UBE2J1: variants seen among roughly 807,000 people sequenced by gnomAD.
The protein encoded by UBE2J1 is ubiquitin-conjugating enzyme E2 J1.
A neutral mutation model predicts 42.1 loss-of-function variants in UBE2J1; 17 were observed. That is an observed-to-expected ratio of 0.40 (90% confidence interval 0.28 to 0.61). The LOEUF (loss-of-function observed/expected upper bound fraction) is 0.61. UBE2J1 is among the 20% of genes least tolerant of loss of function. UBE2J1 has a pLI of 0.38. For synonymous variants in UBE2J1, 127 were observed against 137.2 expected, an observed-to-expected ratio of 0.93 and a Z score of 0.52; for missense variants, 291 against 389.4, an observed-to-expected ratio of 0.75 and a Z score of 2.13.
At chr6:89,337,231 T>C (rs1768126215) in intron 5 of UBE2J1, among the ~76,000 whole-genome samples, 2 of 151,374 alleles carry the variant, frequency 1.3e-5, no homozygotes, top group South Asian at 4.2e-4. Context: ...CAGTTCTTTT[T>C]TTTTTTTTTT....
At chr6:89,349,546 A>C (rs1317770219) in intron 1 of UBE2J1, among the ~76,000 whole-genome samples, 1 of 152,210 alleles carries the variant, frequency 6.6e-6, no homozygotes, top group East Asian at 1.9e-4. Flanking sequence ...AGTGCTGTCT[A>C]TCCCTGAGAT....
At chr6:89,349,558 T>G (rs1443942325) in intron 1 of UBE2J1, among the ~76,000 whole-genome samples, 1 of 152,156 alleles carries the variant, frequency 6.6e-6, no homozygotes, top group African/African-American at 2.4e-5. Flanking sequence ...CCCTGAGATA[T>G]GAAATACTAG....
At chr6:89,332,349 T>A (rs1190404118) in intron 7 of UBE2J1, among the ~76,000 whole-genome samples, 1 of 152,212 alleles carries the variant, frequency 6.6e-6, no homozygotes, top group Non-Finnish European at 1.5e-5. Flanking sequence ...TCATATTTTT[T>A]AAATCACTCT....
In UBE2J1 at chr6:89,341,304, T is replaced by C. The variant is rs775760544; in HGVS notation, c.237+1020A>G. 3.4e-4 allele frequency among the ~76,000 whole-genome samples: 52 copies of C among 152,278 alleles called. 1 individual carries two copies. The highest frequency in any genetic ancestry group is 4.6e-4 in the Admixed American group (7 of 15,300). On this transcript the variant is annotated intron_variant, in intron 3 of 7. Coordinates refer to ENST00000435041, the MANE Select transcript of UBE2J1 (RefSeq NM_016021.3). ...CCTTGGAGGTTACCAAAGAGAAAAA[T>C]AGGCACAGCTTAAAGTGATAACAGA...
In UBE2J1 at chr6:89,328,325, T is replaced by C. The variant is rs1290150674; in HGVS notation, c.*1354A>G. The C allele has an allele frequency of 6.6e-6, 1 of 152,240 alleles. No individual in the cohort carries two copies. Among genetic ancestry groups the C allele is most frequent in the Non-Finnish European group, 1.5e-5 (1 of 68,036 alleles). 9.4% of individuals were successfully genotyped at this position (152,240 alleles called of 1,614,324 possible). ...TAAAACCACATAAGGACTTTATGAATACCCTCCCCTATACTATTCAAGATA... is the reference window on the plus strand; with the variant it reads ...TAAAACCACATAAGGACTTTATGAACACCCTCCCCTATACTATTCAAGATA... On this transcript the variant is annotated 3_prime_UTR_variant, in exon 8 of 8. Transcript: ENST00000435041.
intron 1 of UBE2J1, among the ~76,000 whole-genome samples, chr6:89,347,573 C>A (rs1768386132): frequency 1.3e-5 from 2 of 152,206 alleles, no homozygotes; most frequent in South Asian, 2.1e-4. Context: ...AAGGAACAAT[C>A]ATTGGTTCAA....
chr6:89,340,142 G>A (rs1035486468), intron 3 of UBE2J1, among the ~76,000 whole-genome samples: 3 of 152,276 alleles, frequency 2.0e-5, no homozygotes, highest in Admixed American at 1.3e-4. Flanking sequence ...TCTGAGAGAG[G>A]TGTGATTTTC....
chr6:89,337,323 G>A (rs1469923790), intron 5 of UBE2J1, among the ~76,000 whole-genome samples: 1 of 150,556 alleles, frequency 6.6e-6, no homozygotes, highest in Admixed American at 6.6e-5. Flanking sequence ...CAAATACTAT[G>A]TATTCAAAGT....
rs1380361607 is a variant in UBE2J1, at chr6:89,338,673, T to G, written c.238-130A>C. On this transcript the variant is annotated intron_variant, in intron 3 of 7. Coordinates refer to ENST00000435041, the MANE Select transcript of UBE2J1 (RefSeq NM_016021.3). ...AAAAAGTTTGTTTTTTTTTTTTTTT[T>G]TTTTTTTTTTGAGATGGAGTCTCGC... is the stretch of plus-strand genomic sequence containing the variant. 144 of 298,456 alleles carry G rather than the reference T, an allele frequency of 4.8e-4. 1 individual carries two copies. The highest frequency in any genetic ancestry group is 8.0e-4 in the South Asian group (6 of 7,458). 18.5% of individuals were successfully genotyped at this position (298,456 alleles called of 1,614,324 possible). A position where few individuals can be genotyped will look rare whatever the true frequency, so the allele number is the denominator to read the frequency against.
intron 3 of UBE2J1, among the ~76,000 whole-genome samples, chr6:89,341,112 C>A (rs1449011772): frequency 6.6e-6 from 1 of 152,154 alleles, no homozygotes; most frequent in Non-Finnish European, 1.5e-5. Context: ...GTTGTTTCAC[C>A]ATTTGCTACT....
At chr6:89,342,807 T>A (rs1255464673) in intron 2 of UBE2J1, among the ~76,000 whole-genome samples, 1 of 152,202 alleles carries the variant, frequency 6.6e-6, no homozygotes, top group African/African-American at 2.4e-5. Context: ...ATTACTATGT[T>A]TGGGTTATTT....
intron 3 of UBE2J1, among the ~76,000 whole-genome samples, chr6:89,340,880 A>G (rs1484988405): frequency 2.0e-5 from 3 of 150,780 alleles, no homozygotes; most frequent in Admixed American, 6.6e-5. Flanking sequence ...GGTTCACGCC[A>G]TTCTCCTGCC....
chr6:89,351,069 C>CTTTTTTTTTTTTT (rs1193022037), intron 1 of UBE2J1, among the ~76,000 whole-genome samples: 1 of 60,442 alleles, frequency 1.7e-5, no homozygotes, highest in African/African-American at 6.9e-5. Flanking sequence ...CCGGGATTCT[C>CTTTTTTTTTTTTT]TTTTTTTTTT....
At chr6:89,340,710 T>C (rs1415327013) in intron 3 of UBE2J1, among the ~76,000 whole-genome samples, 1 of 152,146 alleles carries the variant, frequency 6.6e-6, no homozygotes, top group Non-Finnish European at 1.5e-5. Context: ...CTCTCTGTTA[T>C]ACAAAATAGA....
chr6:89,327,720 T>A lies in UBE2J1; in HGVS notation c.*1959A>T, dbSNP rs543554959. 1 of 152,352 alleles carries A rather than the reference T, an allele frequency of 6.6e-6. No homozygotes were observed. Among genetic ancestry groups the A allele is most frequent in the South Asian group, 2.1e-4 (1 of 4,824 alleles). The allele number at this position is 152,352 out of a possible 1,614,324, so 9.4% of individuals were successfully genotyped here. On this transcript the variant is annotated 3_prime_UTR_variant, in exon 8 of 8. Transcript: ENST00000435041. ...TGGCTTAAAGTATAGGTACACCCCA[T>A]GGAAACATGCAATAAGATCACATCG...
rs1009456950 is a variant in UBE2J1, at chr6:89,352,682, C to A, written c.-113G>T. On this transcript the variant is annotated 5_prime_UTR_variant, in exon 1 of 8. Coordinates refer to ENST00000435041, the MANE Select transcript of UBE2J1 (RefSeq NM_016021.3). ...CGGACGGGGCCTGGCCGAGGAGCCT[C>A]GGCAAATGCCGCCCAGTCCAGCCTG... 6.0e-5 allele frequency: 73 copies of A among 1,220,264 alleles called. No homozygotes were observed. The highest frequency in any genetic ancestry group is 7.6e-5 in the Non-Finnish European group (70 of 920,092). 75.6% of individuals were successfully genotyped at this position (1,220,264 alleles called of 1,614,324 possible). A position where few individuals can be genotyped will look rare whatever the true frequency, so the allele number is the denominator to read the frequency against.
intron 1 of UBE2J1, among the ~76,000 whole-genome samples, chr6:89,351,931 T>C (rs1768489237): frequency 6.6e-6 from 1 of 152,374 alleles, no homozygotes; most frequent in African/African-American, 2.4e-5. Context: ...ATACATTTCA[T>C]ATTAGCCAGT....
intron 1 of UBE2J1, among the ~76,000 whole-genome samples, chr6:89,351,030 C>T (rs376564821): frequency 7.5e-6 from 1 of 134,096 alleles, no homozygotes; most frequent in African/African-American, 2.8e-5. Context: ...CCCTCTTTCT[C>T]TTTGGTCTTT....
chr6:89,345,327 C>A (rs1257982931), intron 1 of UBE2J1, among the ~76,000 whole-genome samples: 1 of 152,168 alleles, frequency 6.6e-6, no homozygotes, highest in Non-Finnish European at 1.5e-5. Flanking sequence ...TGAGGCCAGG[C>A]GTGGTGGCTC....
Sources: allele counts gnomAD v4.1 joint callset (sites outside exome capture counted in the v4.1 genomes callset), GRCh38; gene constraint gnomAD v4.1.1; transcripts MANE v1.5; gene names NCBI Gene and HGNC (gene_info 2026-07-23, HGNC 2026-07-21).